THSD4: variants seen among roughly 807,000 people sequenced by gnomAD.
The protein encoded by THSD4 is thrombospondin type-1 domain-containing protein 4.
In THSD4, 69 loss-of-function variants were observed where a neutral mutation model predicts 119.0. That is an observed-to-expected ratio of 0.58 (90% confidence interval 0.48 to 0.71). The LOEUF is 0.71. Among genes scored for constraint, THSD4 ranks in the 30% least tolerant of loss-of-function variants. The probability of loss-of-function intolerance (pLI) is 0.00; values close to 1 mark genes in which losing one functional copy is unlikely to be tolerated. For synonymous variants in THSD4, 524 were observed against 540.4 expected (o/e 0.97, Z 0.42); for missense variants, 1,393 against 1,391.1 (o/e 1.00, Z -0.02).
chr15:71,357,602 C>A lies in THSD4; in HGVS notation c.1016-54085C>A, dbSNP rs182193318. On this transcript the variant is annotated intron_variant, in intron 6 of 17. Transcript: ENST00000261862. ...TGCTCCCTTTCCCCTCCTGGCTCTC[C>A]CGCCTGCAGTTTTAATAGGGGCAGG... Among the ~76,000 whole-genome samples the A allele has an allele frequency of 5.8e-4, 89 of 152,266 alleles. 1 individual carries two copies. The highest frequency in any genetic ancestry group is 2.0e-3 in the African/African-American group (85 of 41,558).
At chr15:71,424,451 A>G (rs149401738) in intron 7 of THSD4, among the ~76,000 whole-genome samples, 13 of 152,210 alleles carry the variant, frequency 8.5e-5, no homozygotes, top group Non-Finnish European at 1.8e-4. Context: ...TAATTACTGC[A>G]TATTGAAAGG....
intron 7 of THSD4, among the ~76,000 whole-genome samples, chr15:71,467,656 T>C (rs2047518584): frequency 6.6e-6 from 1 of 152,080 alleles, no homozygotes; most frequent in Non-Finnish European, 1.5e-5. Flanking sequence ...GATGACTTGC[T>C]TCAGGGAAGA....
intron 3 of THSD4, 103 bp from the exon 4 acceptor site, chr15:71,214,932 C>G: frequency 3.3e-6 from 4 of 1,203,772 alleles, no homozygotes; most frequent in South Asian, 4.3e-5. Flanking sequence ...TTGAAACAGA[C>G]TGTGCCTACT....
At chr15:71,739,277 A>G (rs2053189744) in intron 11 of THSD4, among the ~76,000 whole-genome samples, 2 of 152,302 alleles carry the variant, frequency 1.3e-5, no homozygotes, top group African/African-American at 4.8e-5. Context: ...AGTCAGCTTT[A>G]TTGACCCCTC....
chr15:71,254,557 A>C (rs538177507), intron 5 of THSD4, among the ~76,000 whole-genome samples: 4 of 152,246 alleles, frequency 2.6e-5, no homozygotes, highest in Non-Finnish European at 4.4e-5. Flanking sequence ...GAGGCTTGAG[A>C]ATCTGCATTT....
chr15:71,373,415 C>G (rs1416005132), intron 6 of THSD4, among the ~76,000 whole-genome samples: 3 of 152,054 alleles, frequency 2.0e-5, no homozygotes, highest in African/African-American at 7.2e-5. Flanking sequence ...TTTCTCCTAA[C>G]TTGAACTTAC....
chr15:71,205,995 C>G (rs1429560093), intron 3 of THSD4, among the ~76,000 whole-genome samples: 1 of 150,806 alleles, frequency 6.6e-6, no homozygotes, highest in African/African-American at 2.4e-5. Flanking sequence ...TCACTGGTTT[C>G]TAATTCTCTT....
intron 7 of THSD4, among the ~76,000 whole-genome samples, chr15:71,655,259 C>T (rs112683074): frequency 1.5e-3 from 229 of 152,222 alleles, no homozygotes; most frequent in African/African-American, 5.0e-3. Context: ...TGGCCTTTTT[C>T]GACAGGTACC....
intron 6 of THSD4, among the ~76,000 whole-genome samples, chr15:71,292,675 A>ATTTTT (rs36103838): frequency 7.7e-6 from 1 of 130,610 alleles, no homozygotes. Context: ...ATATAACAGG[A>ATTTTT]TTTTTTTTTT....
At chr15:71,363,886 A>G (rs1451820877) in intron 6 of THSD4, among the ~76,000 whole-genome samples, 2 of 152,246 alleles carry the variant, frequency 1.3e-5, no homozygotes, top group Non-Finnish European at 1.5e-5. Flanking sequence ...ATAAAATGAG[A>G]TGGTGCAGAA....
chr15:71,605,462 A>G (rs1293942068), intron 7 of THSD4, among the ~76,000 whole-genome samples: 1 of 152,216 alleles, frequency 6.6e-6, no homozygotes, highest in African/African-American at 2.4e-5. Flanking sequence ...GGAACAGACA[A>G]TAAGTGGACA....
chr15:71,777,465 C>A lies in THSD4; in HGVS notation c.*91C>A, dbSNP rs932733623. 7 of 1,504,454 alleles carry A rather than the reference C, an allele frequency of 4.7e-6. No individual in the cohort carries two copies. The highest frequency in any genetic ancestry group is 4.4e-6 in the Non-Finnish European group (5 of 1,126,572). The allele number at this position is 1,504,454 out of a possible 1,614,324, so 93.2% of individuals were successfully genotyped here. On this transcript the variant is annotated 3_prime_UTR_variant, in exon 18 of 18. Transcript: ENST00000261862. ...GCTGGCTGCTGCTCCACCACGGGCC[C>A]CCTGGCCCAGGCGCTGCCAACCAAC...
In THSD4 at chr15:71,671,787, T is replaced by C. The variant is rs62024312; in HGVS notation, c.1357+11053T>C. 3.9e-3 allele frequency among the ~76,000 whole-genome samples: 594 copies of C among 152,332 alleles called. 10 individuals are homozygous for C. The highest frequency in any genetic ancestry group is 6.0e-3 in the Non-Finnish European group (405 of 68,022). On this transcript the variant is annotated intron_variant, in intron 8 of 17. Transcript: ENST00000261862. ...TTTGTTAGGTTTGTCAGAGATCAGA[T>C]GGTTGTAGATATGTGGTGTTATTTC...
intron 5 of THSD4, among the ~76,000 whole-genome samples, chr15:71,255,693 G>A (rs2044307537): frequency 6.6e-6 from 1 of 152,190 alleles, no homozygotes; most frequent in African/African-American, 2.4e-5. Flanking sequence ...TGGGAACCAG[G>A]CTGCTTGCAT....
chr15:71,339,319 C>T (rs2045531739), intron 6 of THSD4, among the ~76,000 whole-genome samples: 1 of 151,962 alleles, frequency 6.6e-6, no homozygotes, highest in Non-Finnish European at 1.5e-5. Context: ...AGAAATACTC[C>T]TACTCATCCT....
chr15:71,438,401 T>C (rs964742601), intron 7 of THSD4, among the ~76,000 whole-genome samples: 2 of 152,240 alleles, frequency 1.3e-5, no homozygotes, highest in Non-Finnish European at 2.9e-5. Context: ...TTTGTGATTC[T>C]GGATTTTATG....
chr15:71,243,205 T>A, intron 5 of THSD4, 109 bp downstream of exon 5: 1 of 1,070,292 alleles, frequency 9.3e-7, no homozygotes, highest in Non-Finnish European at 1.3e-6. Flanking sequence ...TGGGCCATGT[T>A]AACACACCTT....
intron 6 of THSD4, among the ~76,000 whole-genome samples, chr15:71,367,993 G>A (rs1370923798): frequency 6.6e-6 from 1 of 152,000 alleles, no homozygotes; most frequent in African/African-American, 2.4e-5. Context: ...GTGTGAGATG[G>A]TATCTCATTG....
chr15:71,442,600 A>ATGTG (rs1296595218), intron 7 of THSD4, among the ~76,000 whole-genome samples: 1 of 44,842 alleles, frequency 2.2e-5, no homozygotes, highest in African/African-American at 6.9e-5. Context: ...ATATATATAT[A>ATGTG]TGTGTGTGTG....
Sources: gnomAD v4.1 joint callset for allele counts (sites outside exome capture counted in the v4.1 genomes callset) on GRCh38, gnomAD v4.1.1 for gene constraint, MANE v1.5 for transcripts, NCBI Gene and HGNC (gene_info 2026-07-23, HGNC 2026-07-21) for gene names.